Variants in ZBP1 observed in about 807,000 individuals in gnomAD.
The protein encoded by ZBP1 is Z-DNA binding protein 1.
ZBP1 carries 42 observed loss-of-function variants against 41.1 expected under a neutral mutation model. That is an observed-to-expected ratio of 1.02 (90% CI 0.80 to 1.32). The LOEUF is 1.32. Ranked by LOEUF, ZBP1 falls within the 40% of genes most tolerant of loss-of-function variation. ZBP1 has a pLI of 0.00. For missense variants in ZBP1, 562 were observed against 549.7 expected (o/e 1.02, Z -0.22); for synonymous variants, 214 against 205.2 (o/e 1.04, Z -0.37).
At chr20:57,605,297 T>C (rs1403826453) in intron 7 of ZBP1, among the ~76,000 whole-genome samples, 1 of 152,218 alleles carries the variant, frequency 6.6e-6, no homozygotes, top group African/African-American at 2.4e-5. Flanking sequence ...AGTTGAAGGT[T>C]TGTGGCACCC....
At chr20:57,606,315 G>A (rs905346262) in intron 7 of ZBP1, among the ~76,000 whole-genome samples, 1 of 152,264 alleles carries the variant, frequency 6.6e-6, no homozygotes, top group Non-Finnish European at 1.5e-5. Flanking sequence ...AAGGCTGAGA[G>A]AGGTGAGGAA....
At chr20:57,620,037 A>C (rs1473923435) in intron 1 of ZBP1, among the ~76,000 whole-genome samples, 1 of 152,092 alleles carries the variant, frequency 6.6e-6, no homozygotes, top group African/African-American at 2.4e-5. Flanking sequence ...GGGTTTCGCC[A>C]TGTTGGCCAG....
At chr20:57,615,148 A>G in intron 3 of ZBP1, 88 bp from the exon 4 acceptor site, 1 of 1,424,348 alleles carries the variant, frequency 7.0e-7, no homozygotes, top group South Asian at 1.3e-5. Flanking sequence ...CCCTGGACCC[A>G]GCCCCTCAAG....
chr20:57,612,933 C>A, intron 5 of ZBP1: 1 of 1,325,116 alleles, frequency 7.5e-7, no homozygotes, highest in South Asian at 2.3e-5. Flanking sequence ...TTAAATTAAA[C>A]TTTAAAATGA....
Position 57,610,979 on chromosome 20 carries a change from C to T in ZBP1, c.875-612G>A, listed in dbSNP as rs1032197314. On this transcript the variant is annotated intron_variant, in intron 6 of 7. Coordinates refer to ENST00000371173, the MANE Select transcript of ZBP1 (RefSeq NM_030776.3). This position sits in a 1 kb window ranked among gnomAD's most constrained non-coding sequence, Gnocchi z 5.5. Reference sequence around the variant, plus strand: ...GGGCCTCTGCTTTCCTCCTCCCTCTCTGGCTTCTCTGCTGGTTCTTCTCCC... The same window carrying T: ...GGGCCTCTGCTTTCCTCCTCCCTCTTTGGCTTCTCTGCTGGTTCTTCTCCC... Among the ~76,000 whole-genome samples the T allele has an allele frequency of 6.6e-6, 1 of 152,218 alleles. No homozygotes were observed. The highest frequency in any genetic ancestry group is 1.5e-5 in the Non-Finnish European group (1 of 68,042).
At position 57,615,035 on chromosome 20, in the gene ZBP1, T is replaced by C. The variant is rs1382933479; in HGVS notation, c.354A>G (p.Lys118=). 3 of 1,614,188 alleles carry C rather than the reference T, an allele frequency of 1.9e-6. No individual in the cohort carries two copies. In the Admixed American group the frequency reaches 5.0e-5, roughly 27 times the overall value. ...QREEDIYRFL[K]DNGPQRALVI... is the part of the protein sequence containing the mutation. ...CCAGGGCCCTCTGGGGACCATTGTC[T>C]TTGAGAAACCTGTAGATGTCTTCCT... The change falls in exon 4 of 8, where the codon AAA becomes AAG. Residue 118 remains lysine (K), a synonymous_variant. Transcript: ENST00000371173.
intron 1 of ZBP1, 135 bp downstream of exon 1, chr20:57,620,127 C>T (rs1277064433): frequency 2.1e-5 from 23 of 1,113,560 alleles, no homozygotes; most frequent in South Asian, 2.1e-4. Flanking sequence ...TGAGCCACCA[C>T]GCCCAGCTGG....
chr20:57,605,340 C>T (rs558184316), intron 7 of ZBP1, among the ~76,000 whole-genome samples: 1 of 152,298 alleles, frequency 6.6e-6, no homozygotes, highest in African/African-American at 2.4e-5. Flanking sequence ...GCCAATTTTT[C>T]CAGCAGCATA....
At chr20:57,616,180 G>T in intron 2 of ZBP1, 64 bp downstream of exon 2, 1 of 1,486,316 alleles carries the variant, frequency 6.7e-7, no homozygotes, top group Non-Finnish European at 9.3e-7. Flanking sequence ...GCTCAAATCT[G>T]TGCTTGTCCA....
In ZBP1 at chr20:57,610,431, C is replaced by G; in HGVS notation, c.875-64G>C. 1 of 1,566,140 alleles carries G rather than the reference C, an allele frequency of 6.4e-7. No homozygotes were observed. Among genetic ancestry groups the G allele is most frequent in the Non-Finnish European group, 8.8e-7 (1 of 1,140,296 alleles). On this transcript the variant is annotated intron_variant, in intron 6 of 7. Coordinates refer to ENST00000371173, the MANE Select transcript of ZBP1 (RefSeq NM_030776.3). This position sits in a 1 kb window ranked among gnomAD's most constrained non-coding sequence, Gnocchi z 5.5. Reference sequence around the variant, plus strand: ...GCTGGACAGTGGCCGGGAACCCTGACCCCCAGCCTGGTTCACCCTCCTCCC... The same window carrying G: ...GCTGGACAGTGGCCGGGAACCCTGAGCCCCAGCCTGGTTCACCCTCCTCCC...
intron 1 of ZBP1, 56 bp downstream of exon 1, chr20:57,620,206 G>A (rs1210028693): frequency 6.5e-7 from 1 of 1,544,052 alleles, no homozygotes; most frequent in Non-Finnish European, 8.8e-7. Flanking sequence ...GGAAAGAGAA[G>A]TAGAAATCTC....
intron 6 of ZBP1, 133 bp downstream of exon 6, chr20:57,611,594 T>C: frequency 1.9e-6 from 2 of 1,044,528 alleles, no homozygotes; most frequent in Non-Finnish European, 2.7e-6. Flanking sequence ...TGCTCTACTC[T>C]GGTTCAGCTG....
At chr20:57,606,871 A>G (rs949069890) in intron 7 of ZBP1, among the ~76,000 whole-genome samples, 1 of 152,134 alleles carries the variant, frequency 6.6e-6, no homozygotes, top group Non-Finnish European at 1.5e-5. Flanking sequence ...ATACCACAGG[A>G]TCTGAGTGTT....
Position 57,604,532 on chromosome 20 carries a change from C to G in ZBP1, c.*41G>C. ...GCAGGCTAGTCTCCCTAGCATGCGC[C>G]CACCCCCAGCCTGTGTCCAAGCCCC... is the stretch of plus-strand genomic sequence containing the variant. On this transcript the variant is annotated 3_prime_UTR_variant, in exon 8 of 8. Transcript: ENST00000371173. 6.2e-7 allele frequency: 1 copy of G among 1,603,894 alleles called. No homozygotes were observed. Among genetic ancestry groups the G allele is most frequent in the Non-Finnish European group, 8.5e-7 (1 of 1,173,236 alleles).
chr20:57,604,492 G>A lies in ZBP1; in HGVS notation c.*81C>T, dbSNP rs2070447119. On this transcript the variant is annotated 3_prime_UTR_variant, in exon 8 of 8. Coordinates refer to ENST00000371173, the MANE Select transcript of ZBP1 (RefSeq NM_030776.3). Reference sequence around the variant, plus strand: ...GCAAGCAGGTCAAACAAGACGCTAAGGAATGCAGAGAGCAGCAGGCTAGTC... The same window carrying A: ...GCAAGCAGGTCAAACAAGACGCTAAAGAATGCAGAGAGCAGCAGGCTAGTC... The A allele has an allele frequency of 1.3e-6, 2 of 1,536,084 alleles. No homozygotes were observed. Among genetic ancestry groups the A allele is most frequent in the Non-Finnish European group, 9.0e-7 (1 of 1,111,232 alleles).
intron 1 of ZBP1, 41 bp from the exon 2 acceptor site, chr20:57,616,509 C>T: frequency 6.2e-7 from 1 of 1,606,638 alleles, no homozygotes; most frequent in Non-Finnish European, 8.5e-7. Flanking sequence ...AACTGAGTCT[C>T]CCAGGTCCCC....
Position 57,615,058 on chromosome 20 carries a change from C to T in ZBP1, c.331G>A (p.Glu111Lys), listed in dbSNP as rs764212417. Reference sequence around the variant, plus strand: ...TCTTTGAGAAACCTGTAGATGTCTTCCTCTGGGAGGCAGGATGGCCAGGTG... The same window carrying T: ...TCTTTGAGAAACCTGTAGATGTCTTTCTCTGGGAGGCAGGATGGCCAGGTG... ...PGPQFSQQRE[E>K]DIYRFLKDNG... The change falls in exon 4 of 8, where the codon GAA becomes AAA. Residue 111 changes from glutamate to lysine, a missense_variant and splice_region_variant. Transcript: ENST00000371173. 1 of 1,614,186 alleles carries T rather than the reference C, an allele frequency of 6.2e-7. No individual in the cohort carries two copies. Among genetic ancestry groups the T allele is most frequent in the Non-Finnish European group, 8.5e-7 (1 of 1,180,028 alleles).
At chr20:57,615,235 TG>T in intron 3 of ZBP1, 175 bp from the exon 4 acceptor site, 1 of 746,720 alleles carries the variant, frequency 1.3e-6, no homozygotes, top group Non-Finnish European at 2.2e-6. Context: ...GCCCTGAGGG[TG>T]GGGGATGTGC....
chr20:57,619,326 C>G (rs542792830), intron 1 of ZBP1, among the ~76,000 whole-genome samples: 1 of 152,330 alleles, frequency 6.6e-6, no homozygotes, highest in African/African-American at 2.4e-5. Flanking sequence ...GACCTCCCCT[C>G]CGGCTTCAGG....
Sources: gnomAD v4.1 joint callset for allele counts (sites outside exome capture counted in the v4.1 genomes callset) on GRCh38, gnomAD v4.1.1 for gene constraint, Gnocchi (gnomAD v3.1) non-coding constraint, MANE v1.5 for transcripts, NCBI Gene and HGNC (gene_info 2026-07-23, HGNC 2026-07-21) for gene names.